The following JAM3 variants were observed in gnomAD, a reference collection of about 807,000 sequenced individuals.
JAM3 encodes junctional adhesion molecule C.
JAM3 carries 31 observed loss-of-function variants against 39.4 expected under a neutral mutation model. That is an observed-to-expected ratio of 0.79 (90% CI 0.59 to 1.06). The LOEUF (loss-of-function observed/expected upper bound fraction) is 1.06. JAM3 is among the 50% of genes least tolerant of loss of function. The pLI, the probability that JAM3 is intolerant of heterozygous loss-of-function variation, is 0.00. For synonymous variants in JAM3, 182 were observed against 148.7 expected (o/e 1.22, Z -1.63); for missense variants, 455 against 391.4 (o/e 1.16, Z -1.37).
At chr11:134,102,823 AAAG>A (rs767327322) in intron 1 of JAM3, among the ~76,000 whole-genome samples, 4 of 152,214 alleles carry the variant, frequency 2.6e-5, no homozygotes, top group Non-Finnish European at 5.9e-5. Flanking sequence ...AAAAAAGTAA[AAAG>A]AAACAAACAC....
chr11:134,134,878 T>G (rs11223709), intron 1 of JAM3, among the ~76,000 whole-genome samples: 30,133 of 152,138 alleles, frequency 0.2, 3,517 homozygotes, highest in East Asian at 0.36. Context: ...TTGTAGGAGT[T>G]CTTTATATAT....
rs561195633 is a variant in JAM3 at position 134,070,217 on chromosome 11, G to A, written c.76+1058G>A. ...CCAAGGCTGCATTCTAAGTAGTGAAGCCTCAACTTCATATTTACCTAAAGC... is the reference window on the plus strand; with the variant it reads ...CCAAGGCTGCATTCTAAGTAGTGAAACCTCAACTTCATATTTACCTAAAGC... On this transcript the variant is annotated intron_variant, in intron 1 of 8. Coordinates refer to ENST00000299106, the MANE Select transcript of JAM3 (RefSeq NM_032801.5). 368 of 456,230 alleles carry A rather than the reference G, an allele frequency of 8.1e-4. 1 individual carries two copies. Among genetic ancestry groups the A allele is most frequent in the Non-Finnish European group, 1.3e-3 (287 of 226,960 alleles). The allele number at this position is 456,230 out of a possible 1,614,324, so 28.3% of individuals were successfully genotyped here. A position where few individuals can be genotyped will look rare whatever the true frequency, so the allele number is the denominator to read the frequency against.
chr11:134,145,856 T>G (rs1370471559), intron 5 of JAM3, 90 bp from the exon 6 acceptor site: 1 of 837,432 alleles, frequency 1.2e-6, no homozygotes, highest in Non-Finnish European at 2.1e-6. Flanking sequence ...AGCGAGCAGG[T>G]GTCGACCTAG....
intron 1 of JAM3, among the ~76,000 whole-genome samples, chr11:134,111,721 G>C (rs760310336): frequency 1.3e-5 from 2 of 152,098 alleles, no homozygotes; most frequent in Non-Finnish European, 2.9e-5. Flanking sequence ...GTAAAAGAAA[G>C]CTGAAGCTTA....
At chr11:134,147,813 A>G (rs1943106681) in intron 6 of JAM3, 1 of 152,506 alleles carries the variant, frequency 6.6e-6, no homozygotes, top group Non-Finnish European at 1.5e-5. Flanking sequence ...GTGTACATTC[A>G]TCTTTGAGAA....
chr11:134,140,122 C>G (rs1350645650), intron 2 of JAM3, among the ~76,000 whole-genome samples: 1 of 152,216 alleles, frequency 6.6e-6, no homozygotes, highest in African/African-American at 2.4e-5. Flanking sequence ...TCATCGCACT[C>G]CTGCCTGGCT....
chr11:134,080,929 G>A (rs642831), intron 1 of JAM3, among the ~76,000 whole-genome samples: 67,147 of 152,010 alleles, frequency 0.44, 17,531 homozygotes, highest in African/African-American at 0.74. Context: ...GGATAATGAA[G>A]TCCAGGCTGG....
chr11:134,098,989 C>T (rs186236085), intron 1 of JAM3, among the ~76,000 whole-genome samples: 7 of 152,210 alleles, frequency 4.6e-5, no homozygotes, highest in African/African-American at 1.4e-4. Context: ...TGCTTGAGCC[C>T]AGGAGTTCAA....
At chr11:134,118,589 C>A (rs969662421) in intron 1 of JAM3, among the ~76,000 whole-genome samples, 1 of 152,188 alleles carries the variant, frequency 6.6e-6, no homozygotes, top group East Asian at 1.9e-4. Context: ...CTCCCACCAA[C>A]CCCAACCTTG....
chr11:134,102,319 A>G lies in JAM3; in HGVS notation c.76+33160A>G, dbSNP rs576296381. 6.6e-5 allele frequency among the ~76,000 whole-genome samples: 10 copies of G among 152,342 alleles called. No individual in the cohort carries two copies. The East Asian group carries it at 1.9e-3, about 29-fold the overall frequency. The stretch of plus-strand genomic sequence containing the variant: ...GCTGAGGGTCCTGACTGTTAGAAGG[A>G]AAACTAACAAACAGAAAGGACATCC... On this transcript the variant is annotated intron_variant, in intron 1 of 8. Transcript: ENST00000299106.
intron 1 of JAM3, among the ~76,000 whole-genome samples, chr11:134,114,121 A>G (rs1942375331): frequency 6.6e-6 from 1 of 152,016 alleles, no homozygotes; most frequent in African/African-American, 2.4e-5. Context: ...AGGTTGCAAA[A>G]ATTTTCTCCC....
At chr11:134,097,249 A>G (rs1369729384) in intron 1 of JAM3, among the ~76,000 whole-genome samples, 7 of 152,284 alleles carry the variant, frequency 4.6e-5, no homozygotes, top group Admixed American at 1.3e-4. Flanking sequence ...CTTAGAAACA[A>G]TTTCTAAGAG....
rs1230513494 is a variant in JAM3, at chr11:134,094,420, C to G, written c.76+25261C>G. Among the ~76,000 whole-genome samples, 5 of 137,846 alleles carry G rather than the reference C, an allele frequency of 3.6e-5. 1 individual carries two copies. The highest frequency in any genetic ancestry group is 1.4e-4 in the African/African-American group (5 of 34,918). The allele number at this position is 137,846 out of a possible 152,430, so 90.4% of individuals were successfully genotyped here. A position where few individuals can be genotyped will look rare whatever the true frequency, so the allele number is the denominator to read the frequency against. Reference sequence around the variant, plus strand: ...TCATCATGTTCCACCTTAAATGTGACTTCCTGAGGAAAGCTTCTCCTGAAC... The same window carrying G: ...TCATCATGTTCCACCTTAAATGTGAGTTCCTGAGGAAAGCTTCTCCTGAAC... On this transcript the variant is annotated intron_variant, in intron 1 of 8. Transcript: ENST00000299106.
intron 1 of JAM3, among the ~76,000 whole-genome samples, chr11:134,133,206 G>A (rs947464040): frequency 6.6e-6 from 1 of 152,150 alleles, no homozygotes; most frequent in African/African-American, 2.4e-5. Context: ...AATATGTAGG[G>A]TTTTCTACAT....
intron 1 of JAM3, among the ~76,000 whole-genome samples, chr11:134,078,726 TTTG>T (rs1219382985): frequency 6.6e-6 from 1 of 152,176 alleles, no homozygotes; most frequent in Non-Finnish European, 1.5e-5. Context: ...GGGTAATGTT[TTTG>T]TTTTCCTTTT....
intron 1 of JAM3, among the ~76,000 whole-genome samples, chr11:134,128,275 C>A (rs970525344): frequency 2.0e-5 from 3 of 152,178 alleles, no homozygotes; most frequent in African/African-American, 7.2e-5. Context: ...AGACAGCCCT[C>A]CTGGGAGTGG....
chr11:134,105,512 C>T (rs1942167164), intron 1 of JAM3, among the ~76,000 whole-genome samples: 1 of 152,146 alleles, frequency 6.6e-6, no homozygotes, highest in Non-Finnish European at 1.5e-5. Flanking sequence ...GGCAATCAGG[C>T]AGGAGAAAGA....
chr11:134,144,936 G>T lies in JAM3; in HGVS notation c.554G>T (p.Arg185Ile), dbSNP rs149503465. 4.7e-5 allele frequency: 76 copies of T among 1,614,110 alleles called. No individual in the cohort carries two copies. The highest frequency in any genetic ancestry group is 6.3e-5 in the Non-Finnish European group (74 of 1,180,048). Residue 185 changes from arginine (R) to isoleucine (I), a missense_variant, in exon 5 of 9, where the codon AGA becomes ATA. Physicochemically the swap from Arg to Ile is moderately conservative, Grantham distance 97. Transcript: ENST00000299106. ...GATGTACCACTGCCCACGGATTCCA[G>T]AGCCAATCCCAGATTTCGCAATTCT... is the stretch of plus-strand genomic sequence containing the variant. ...RNDVPLPTDS[R>I]ANPRFRNSSF...
intron 1 of JAM3, among the ~76,000 whole-genome samples, chr11:134,116,299 A>G (rs1942432162): frequency 6.6e-6 from 1 of 152,166 alleles, no homozygotes; most frequent in Admixed American, 6.5e-5. Context: ...TATAGCAGTT[A>G]TTACTATGGT....
Sources: gnomAD v4.1 joint callset for allele counts (sites outside exome capture counted in the v4.1 genomes callset) on GRCh38, gnomAD v4.1.1 for gene constraint, MANE v1.5 for transcripts, NCBI Gene and HGNC (gene_info 2026-07-23, HGNC 2026-07-21) for gene names.